The following MBD2 variants were observed in gnomAD, a reference collection of about 807,000 sequenced individuals.
The protein encoded by MBD2 is methyl-CpG binding domain protein 2.
In MBD2, 9 loss-of-function variants were observed where a neutral mutation model predicts 39.3. That is an observed-to-expected ratio of 0.23 (90% CI 0.14 to 0.40). The LOEUF is 0.40. Among genes scored for constraint, MBD2 ranks in the 10% least tolerant of loss-of-function variants. The pLI is 1.00. For synonymous variants in MBD2, 233 were observed against 211.1 expected (o/e 1.10, Z -0.90); for missense variants, 458 against 532.6 (o/e 0.86, Z 1.38).
chr18:54,172,502 T>TTTTG (rs2086185303), intron 3 of MBD2, among the ~76,000 whole-genome samples: 1 of 152,202 alleles, frequency 6.6e-6, no homozygotes, highest in Non-Finnish European at 1.5e-5. Flanking sequence ...TTCTTAAGAA[T>TTTTG]ACTGTTTCAG....
At chr18:54,180,957 C>T (rs574923469) in intron 3 of MBD2, among the ~76,000 whole-genome samples, 1 of 136,436 alleles carries the variant, frequency 7.3e-6, no homozygotes, top group South Asian at 2.4e-4. Flanking sequence ...AGTGCAGTGG[C>T]CTGATCTCGG....
intron 1 of MBD2, among the ~76,000 whole-genome samples, chr18:54,221,414 C>G (rs1434800067): frequency 6.7e-6 from 1 of 148,836 alleles, no homozygotes; most frequent in Non-Finnish European, 1.5e-5. Context: ...GCCAAGATCA[C>G]ACCACTGCAC....
At chr18:54,205,229 C>T (rs1376250956) in intron 1 of MBD2, 72 bp from the exon 2 acceptor site, 3 of 1,334,390 alleles carry the variant, frequency 2.2e-6, no homozygotes, top group Admixed American at 4.3e-5. Flanking sequence ...TCATGTCTTC[C>T]CCTACCCTCA....
chr18:54,181,420 CAA>C (rs1712940146), intron 3 of MBD2, among the ~76,000 whole-genome samples: 1 of 152,160 alleles, frequency 6.6e-6, no homozygotes, highest in Admixed American at 6.5e-5. Context: ...ATATTTCTGT[CAA>C]AGATATCATT....
intron 6 of MBD2, 123 bp downstream of exon 6, chr18:54,159,642 C>T: frequency 9.9e-7 from 1 of 1,005,938 alleles, no homozygotes; most frequent in Admixed American, 2.2e-5. Context: ...TGGTCTCGAA[C>T]TACTGAGCTC....
Position 54,204,983 on chromosome 18 carries a change from A to G in MBD2, c.702+15T>C. 6.2e-7 allele frequency: 1 copy of G among 1,609,608 alleles called. No homozygotes were observed. The highest frequency in any genetic ancestry group is 1.7e-4 in the Middle Eastern group (1 of 6,038). ...TTCGAAGTAGCATATACATGCGATA[A>G]GTAAATTAACCAACCTTATTTTGAT... On this transcript the variant is annotated intron_variant, in intron 2 of 6. Transcript: ENST00000256429.
At chr18:54,200,862 G>A (rs960933356) in intron 2 of MBD2, among the ~76,000 whole-genome samples, 1 of 151,970 alleles carries the variant, frequency 6.6e-6, no homozygotes, top group Non-Finnish European at 1.5e-5. Context: ...GGCGGATCAC[G>A]AGGTCAGGAG....
At chr18:54,175,880 C>T (rs1173282782) in intron 3 of MBD2, among the ~76,000 whole-genome samples, 1 of 152,148 alleles carries the variant, frequency 6.6e-6, no homozygotes, top group Non-Finnish European at 1.5e-5. Context: ...TTTCTGTATT[C>T]TTTACAACTA....
chr18:54,190,490 A>G (rs1035629606), intron 2 of MBD2, among the ~76,000 whole-genome samples: 1 of 152,200 alleles, frequency 6.6e-6, no homozygotes, highest in African/African-American at 2.4e-5. Flanking sequence ...TTGCTGGGAG[A>G]GGCTCTGGCC....
intron 2 of MBD2, 109 bp downstream of exon 2, chr18:54,204,889 T>A: frequency 9.9e-7 from 1 of 1,009,520 alleles, no homozygotes; most frequent in South Asian, 1.5e-5. Flanking sequence ...TATGGGGACA[T>A]GCACGGGACA....
chr18:54,217,404 A>G (rs1022882776), intron 1 of MBD2, among the ~76,000 whole-genome samples: 2 of 152,214 alleles, frequency 1.3e-5, no homozygotes, highest in Admixed American at 1.3e-4. Context: ...AAAATTAAGT[A>G]AAACACCATA....
At chr18:54,213,030 T>C (rs1469609332) in intron 1 of MBD2, among the ~76,000 whole-genome samples, 1 of 84,176 alleles carries the variant, frequency 1.2e-5, no homozygotes, top group African/African-American at 4.9e-5. Context: ...AGACCCTGTC[T>C]CAAAAAAAAA....
At chr18:54,215,142 C>T (rs1025738545) in intron 1 of MBD2, among the ~76,000 whole-genome samples, 3 of 152,156 alleles carry the variant, frequency 2.0e-5, no homozygotes, top group Admixed American at 6.5e-5. Context: ...ATACAAGCCC[C>T]GATCTTCTGA....
chr18:54,199,576 C>T (rs1302054725), intron 2 of MBD2, among the ~76,000 whole-genome samples: 2 of 152,150 alleles, frequency 1.3e-5, no homozygotes. Context: ...AGAAACAAAA[C>T]TATTTTAACT....
intron 2 of MBD2, among the ~76,000 whole-genome samples, chr18:54,200,169 A>T (rs539773393): frequency 7.0e-4 from 106 of 152,364 alleles, no homozygotes; most frequent in African/African-American, 2.3e-3. Flanking sequence ...AAATGTATCC[A>T]ATTTGGGTGA....
At chr18:54,176,947 A>G (rs1045006615) in intron 3 of MBD2, among the ~76,000 whole-genome samples, 4 of 152,244 alleles carry the variant, frequency 2.6e-5, no homozygotes, top group African/African-American at 9.6e-5. Context: ...TGATGAAGAC[A>G]GAGGTGCAGT....
rs1486446769 is a variant in MBD2 at position 54,154,286 on chromosome 18, C to T, written c.*1038G>A. ...ATTCAAGTGGTATGAAAGTTACACT[C>T]GCGAGTTTCAACAGAAAAAGAATGT... On this transcript the variant is annotated 3_prime_UTR_variant, in exon 7 of 7. Transcript: ENST00000256429. 6.6e-6 allele frequency: 1 copy of T among 152,098 alleles called. No homozygotes were observed. The highest frequency in any genetic ancestry group is 2.4e-5 in the African/African-American group (1 of 41,406). 9.4% of individuals were successfully genotyped at this position (152,098 alleles called of 1,614,324 possible).
rs1011642893 is a variant in MBD2, at chr18:54,215,963, G to A, written c.542+8055C>T. ...ATTACAGGCACCTGCCACCATGCCC[G>A]GCTAATTTTTTCTTGTATTTCTTAG... On this transcript the variant is annotated intron_variant, in intron 1 of 6. Coordinates refer to ENST00000256429, the MANE Select transcript of MBD2 (RefSeq NM_003927.5). 1.1e-4 allele frequency among the ~76,000 whole-genome samples: 16 copies of A among 151,244 alleles called. No individual in the cohort carries two copies. The South Asian group carries it at 2.7e-3, about 26-fold the overall frequency.
At position 54,224,626 on chromosome 18, in the gene MBD2, C is replaced by T. The variant is rs2086647853; in HGVS notation, c.-67G>A. 8.8e-7 allele frequency: 1 copy of T among 1,141,858 alleles called. No homozygotes were observed. The highest frequency in any genetic ancestry group is 4.5e-5 in the South Asian group (1 of 22,352). 70.7% of individuals were successfully genotyped at this position (1,141,858 alleles called of 1,614,324 possible). A position where few individuals can be genotyped will look rare whatever the true frequency, so the allele number is the denominator to read the frequency against. On this transcript the variant is annotated 5_prime_UTR_variant, in exon 1 of 7. Transcript: ENST00000256429. ...GAGCCCTTGGAATCCCGGAGACCCG[C>T]CCCGCCCGCAGCGCGGCGCGCGGGG...
Sources: allele counts gnomAD v4.1 joint callset (sites outside exome capture counted in the v4.1 genomes callset), GRCh38; gene constraint gnomAD v4.1.1; transcripts MANE v1.5; gene names NCBI Gene and HGNC (gene_info 2026-07-23, HGNC 2026-07-21).